Variants in GPM6B observed in about 807,000 individuals in gnomAD.
GPM6B encodes glycoprotein M6B.
A neutral mutation model predicts 27.2 loss-of-function variants in GPM6B; 4 were observed. The ratio of observed to expected loss-of-function variants is 0.15; its 90% CI spans 0.07 to 0.34. The LOEUF (loss-of-function observed/expected upper bound fraction) is 0.34, where lower values mean the gene tolerates loss of function less well. Ranked by LOEUF, GPM6B falls within the 10% of genes least tolerant of loss-of-function variation. GPM6B has a pLI of 1.00. For synonymous variants in GPM6B, 124 were observed against 103.1 expected (o/e 1.20, Z -1.23); for missense variants, 183 against 261.9 (o/e 0.70, Z 2.08).
intron 1 of GPM6B, among the ~76,000 whole-genome samples, chrX:13,925,864 C>G (rs1189906480): frequency 9.2e-6 from 1 of 109,174 alleles, no homozygotes; most frequent in African/African-American, 3.3e-5. Flanking sequence ...ACCATCCTGG[C>G]TAACATGGTG....
intron 2 of GPM6B, among the ~76,000 whole-genome samples, chrX:13,797,691 C>A (rs2048842298): frequency 9.0e-6 from 1 of 111,166 alleles, no homozygotes; most frequent in Middle Eastern, 4.6e-3. Context: ...GAATCTGGCA[C>A]TGGTGTGTGG....
chrX:13,816,743 G>T, intron 1 of GPM6B, 101 bp downstream of exon 1: 1 of 987,310 alleles, frequency 1.0e-6, no homozygotes, highest in Non-Finnish European at 1.4e-6. Flanking sequence ...CATAGGGATT[G>T]TCTCAGAGCC....
At chrX:13,777,255 G>T in intron 6 of GPM6B, 97 bp downstream of exon 6, 1 of 602,240 alleles carries the variant, frequency 1.7e-6, no homozygotes, top group Non-Finnish European at 2.8e-6. Context: ...TTTCCTTAAT[G>T]GCATTTTAAC....
chrX:13,839,390 C>T (rs1317543019), intron 1 of GPM6B, among the ~76,000 whole-genome samples: 1 of 111,685 alleles, frequency 9.0e-6, no homozygotes, highest in African/African-American at 3.3e-5. Flanking sequence ...AAGCTATTAC[C>T]CAATCACCTT....
chrX:13,817,166 A>G, upstream of GPM6B: 5 of 920,444 alleles, frequency 5.4e-6, no homozygotes, highest in Non-Finnish European at 5.4e-6. Flanking sequence ...GTTAGAAAAC[A>G]GCCATTCGGC....
intron 1 of GPM6B, among the ~76,000 whole-genome samples, chrX:13,912,368 A>G (rs1031613369): frequency 2.7e-5 from 3 of 111,969 alleles, no homozygotes; most frequent in Admixed American, 9.5e-5. Flanking sequence ...TACTGTTTAA[A>G]GCACTTCATA....
chrX:13,863,250 A>C (rs1487423898), intron 1 of GPM6B, among the ~76,000 whole-genome samples: 4 of 111,794 alleles, frequency 3.6e-5, no homozygotes, highest in African/African-American at 1.3e-4. Context: ...GATACAGATA[A>C]TTTCACACAA....
chrX:13,806,604 T>G (rs1335801868), intron 2 of GPM6B, among the ~76,000 whole-genome samples: 1 of 112,088 alleles, frequency 8.9e-6, no homozygotes, highest in Non-Finnish European at 1.9e-5. Context: ...TCATTTTAAT[T>G]AACCTGACAA....
chrX:13,852,585 C>A (rs891426518), intron 1 of GPM6B, among the ~76,000 whole-genome samples: 1 of 110,445 alleles, frequency 9.1e-6, no homozygotes, highest in Non-Finnish European at 1.9e-5. Context: ...TGTTCTGTAC[C>A]CTGCTTTTGA....
chrX:13,920,034 C>T (rs1477411027), intron 1 of GPM6B, among the ~76,000 whole-genome samples: 2 of 110,264 alleles, frequency 1.8e-5, no homozygotes, highest in African/African-American at 6.6e-5. Context: ...GAGGCCTAGG[C>T]AGGTGGACCA....
chrX:13,804,426 C>CG (rs1246725890), intron 2 of GPM6B, among the ~76,000 whole-genome samples: 22 of 3,714 alleles, frequency 5.9e-3, no homozygotes, highest in African/African-American at 0.01. Context: ...GCGGGGGGGG[C>CG]GGGGGGCGGG....
At chrX:13,821,046 G>A (rs1194816069), upstream of GPM6B, among the ~76,000 whole-genome samples, 1 of 111,222 alleles carries the variant, frequency 9.0e-6, no homozygotes, top group East Asian at 2.8e-4. Context: ...TTCTGTGAAG[G>A]GCATCAAGTT....
intron 1 of GPM6B, among the ~76,000 whole-genome samples, chrX:13,836,870 A>G (rs1261811872): frequency 8.9e-6 from 1 of 112,610 alleles, no homozygotes; most frequent in East Asian, 2.8e-4. Context: ...TATAAAATTC[A>G]TACATTTAAA....
intron 1 of GPM6B, among the ~76,000 whole-genome samples, chrX:13,931,157 C>G (rs1218319002): frequency 9.1e-6 from 1 of 110,074 alleles, no homozygotes; most frequent in Non-Finnish European, 1.9e-5. Flanking sequence ...GCACTTCAGC[C>G]TGGGTGACAG....
chrX:13,906,419 G>GA lies in GPM6B; in HGVS notation c.-198+31907dup, dbSNP rs1485070182. On this transcript the variant is annotated intron_variant, in intron 1 of 6. Transcript: ENST00000398361. The stretch of plus-strand genomic sequence containing the variant: ...CTAGGACACCATGTCCCTATTGGGG[G>GA]AAGGGGGTGGGGAGGATAGCTGAAT... 2.7e-5 allele frequency among the ~76,000 whole-genome samples: 3 copies of GA among 112,211 alleles called. No homozygotes were observed. The Admixed American group carries it at 2.8e-4, about 11-fold the overall frequency.
At chrX:13,883,761 T>A (rs1357637394) in intron 1 of GPM6B, among the ~76,000 whole-genome samples, 1 of 108,474 alleles carries the variant, frequency 9.2e-6, no homozygotes, top group African/African-American at 3.4e-5. Flanking sequence ...CTAAGGAGGA[T>A]CGCTTGAACT....
At chrX:13,802,607 G>A (rs1044432094) in intron 2 of GPM6B, among the ~76,000 whole-genome samples, 31 of 110,051 alleles carry the variant, frequency 2.8e-4, no homozygotes, top group Non-Finnish European at 3.8e-5. Context: ...CTATAAAATC[G>A]TTAACTGCTG....
chrX:13,864,287 G>A (rs2049884278), intron 1 of GPM6B, among the ~76,000 whole-genome samples: 2 of 112,920 alleles, frequency 1.8e-5, no homozygotes, highest in Non-Finnish European at 3.7e-5. Context: ...CAAAAAAGTA[G>A]AGTCGCTGAT....
intron 1 of GPM6B, among the ~76,000 whole-genome samples, chrX:13,872,163 CTTTTTTTTTT>C (rs72226692): frequency 4.6e-4 from 12 of 25,827 alleles, no homozygotes; most frequent in Admixed American, 6.8e-4. Context: ...TGTGACATCA[CTTTTTTTTTT>C]TTTTTTTTTT....
Sources: gnomAD v4.1 joint callset for allele counts (sites outside exome capture counted in the v4.1 genomes callset) on GRCh38, gnomAD v4.1.1 for gene constraint, MANE v1.5 for transcripts, NCBI Gene and HGNC (gene_info 2026-07-23, HGNC 2026-07-21) for gene names.